The following DNAH11 variants were observed in gnomAD, a reference collection of about 807,000 sequenced individuals.
DNAH11 encodes the protein axonemal beta dynein heavy chain 11.
A neutral mutation model predicts 526.0 loss-of-function variants in DNAH11; 442 were observed. The observed-to-expected ratio is 0.84, with a 90% CI of 0.78 to 0.91. The LOEUF (loss-of-function observed/expected upper bound fraction) is 0.91. Among genes scored for constraint, DNAH11 ranks in the 40% least tolerant of loss-of-function variants. DNAH11 has a pLI of 0.00. For synonymous variants in DNAH11, 2,461 were observed against 1,935.9 expected, an observed-to-expected ratio of 1.27 and a Z score of -7.12; for missense variants, 6,989 against 5,448.7, an observed-to-expected ratio of 1.28 and a Z score of -8.90.
At chr7:21,639,144 T>C in intron 28 of DNAH11, 79 bp downstream of exon 28, 3 of 1,461,442 alleles carry the variant, frequency 2.1e-6, no homozygotes, top group South Asian at 3.0e-5. Flanking sequence ...TGTCAAATGC[T>C]ACCTGTCATG....
rs767607595 is a variant in DNAH11 at position 21,591,395 on chromosome 7, C to T, written c.2485C>T (p.Arg829Cys). The change falls in exon 14 of 82, where the codon CGC becomes TGC. Residue 829 changes from arginine (R) to cysteine (C), a missense_variant. Coordinates refer to ENST00000409508, the MANE Select transcript of DNAH11 (RefSeq NM_001277115.2). ...ATSELEHRVE[R>C]TQKNVKVIQQ... ...GTCCGAGTTGGAGCACAGAGTTGAG[C>T]GCACACAGAAAAACGTGAAGGTGAT... The T allele has an allele frequency of 2.2e-5, 35 of 1,613,738 alleles. No homozygotes were observed. Among genetic ancestry groups the T allele is most frequent in the Middle Eastern group, 1.6e-4 (1 of 6,084 alleles).
At chr7:21,888,304 GCTT>G (rs1470134793) in intron 76 of DNAH11, among the ~76,000 whole-genome samples, 2 of 152,160 alleles carry the variant, frequency 1.3e-5, no homozygotes, top group Non-Finnish European at 2.9e-5. Context: ...ATGAACTGGA[GCTT>G]CTTGTCATTA....
intron 68 of DNAH11, among the ~76,000 whole-genome samples, chr7:21,860,287 CA>C (rs34076919): frequency 2.7e-5 from 4 of 150,006 alleles, no homozygotes; most frequent in Non-Finnish European, 3.0e-5. Flanking sequence ...TGGCTACTAT[CA>C]AAAAAAAAAG....
intron 43 of DNAH11, 107 bp from the exon 44 acceptor site, chr7:21,720,618 G>C (rs1330698988): frequency 1.6e-6 from 2 of 1,269,834 alleles, no homozygotes; most frequent in Non-Finnish European, 2.1e-6. Flanking sequence ...TCACAGCTGG[G>C]AAAAACTATG....
chr7:21,579,728 A>G (rs574138525), intron 8 of DNAH11, among the ~76,000 whole-genome samples: 2 of 152,234 alleles, frequency 1.3e-5, no homozygotes, highest in South Asian at 4.1e-4. Flanking sequence ...ATTCCGAATT[A>G]AGATTGTGAG....
In DNAH11 at chr7:21,801,187, A is replaced by C; in HGVS notation, c.10077A>C (p.Thr3359=). 6.2e-7 allele frequency: 1 copy of C among 1,613,120 alleles called. No individual in the cohort carries two copies. Among genetic ancestry groups the C allele is most frequent in the Non-Finnish European group, 8.5e-7 (1 of 1,179,522 alleles). ...SRLTASFEKA[T]AEKVRCQEEV... ...TCACGGCTTCATTTGAAAAAGCAAC[A>C]GCTGAGAAAGTCCGGTGTCAAGAAG... The change falls in exon 62 of 82, where the codon ACA becomes ACC. Residue 3359 remains threonine, a synonymous_variant. Coordinates refer to ENST00000409508, the MANE Select transcript of DNAH11 (RefSeq NM_001277115.2).
chr7:21,831,341 C>T (rs1781759530), intron 65 of DNAH11, among the ~76,000 whole-genome samples: 1 of 152,088 alleles, frequency 6.6e-6, no homozygotes, highest in South Asian at 2.1e-4. Flanking sequence ...TTTGATCCTT[C>T]AAGTCATGAG....
At position 21,658,899 on chromosome 7, in the gene DNAH11, G is replaced by A. The variant is rs747209893; in HGVS notation, c.5196G>A (p.Leu1732=). ...IVAYEEKPRE[L]WIFDFPAQVA... ...CCTACGAGGAAAAACCTAGGGAACT[G>A]TGGATTTTTGATTTCCCAGCTCAGG... is the stretch of plus-strand genomic sequence containing the variant. Residue 1732 remains leucine, a synonymous_variant, in exon 30 of 82, where the codon CTG becomes CTA. Coordinates refer to ENST00000409508, the MANE Select transcript of DNAH11 (RefSeq NM_001277115.2). 1.4e-5 allele frequency: 22 copies of A among 1,609,928 alleles called. No individual in the cohort carries two copies. The highest frequency in any genetic ancestry group is 1.9e-5 in the Non-Finnish European group (22 of 1,178,266).
chr7:21,750,152 C>A, intron 53 of DNAH11, 70 bp from the exon 54 acceptor site: 1 of 1,469,200 alleles, frequency 6.8e-7, no homozygotes, highest in Non-Finnish European at 9.1e-7. Flanking sequence ...ACATTTCAAA[C>A]GTTTAAAAGT....
intron 30 of DNAH11, among the ~76,000 whole-genome samples, chr7:21,672,241 A>G (rs1291877593): frequency 6.6e-6 from 1 of 152,180 alleles, no homozygotes; most frequent in African/African-American, 2.4e-5. Context: ...TATAGCAATT[A>G]CATTGTAATG....
At chr7:21,860,895 A>C (rs1180421884) in intron 68 of DNAH11, among the ~76,000 whole-genome samples, 3 of 152,204 alleles carry the variant, frequency 2.0e-5, no homozygotes. Flanking sequence ...ATGAGAGCCA[A>C]GTGAAAGAGA....
At position 21,797,361 on chromosome 7, in the gene DNAH11, A is replaced by C. The variant is rs376021794; in HGVS notation, c.10027-3776A>C. ...CAGCCTCCCGAGTAGCTGGCATTAC[A>C]GGCCTGCGCCACCATGCCCGGCTAA... On this transcript the variant is annotated intron_variant, in intron 61 of 81. Transcript: ENST00000409508. 2.0e-3 allele frequency among the ~76,000 whole-genome samples: 310 copies of C among 151,892 alleles called. 8 individuals are homozygous for C. The highest frequency in any genetic ancestry group is 7.1e-3 in the African/African-American group (294 of 41,228).
intron 63 of DNAH11, among the ~76,000 whole-genome samples, chr7:21,814,437 C>G (rs1583726628): frequency 1.3e-5 from 2 of 150,904 alleles, no homozygotes; most frequent in South Asian, 4.2e-4. Context: ...CATACGTATA[C>G]GTGTGCCATG....
intron 80 of DNAH11, 142 bp downstream of exon 80, chr7:21,899,590 T>C (rs972070759): frequency 8.3e-6 from 6 of 719,586 alleles, no homozygotes; most frequent in Non-Finnish European, 1.2e-5. Flanking sequence ...GACCAGCAGC[T>C]ATAGAGGAAA....
Position 21,655,395 on chromosome 7 carries a change from C to T in DNAH11, c.4945-437C>T, listed in dbSNP as rs562471667. On this transcript the variant is annotated intron_variant, in intron 28 of 81. Coordinates refer to ENST00000409508, the MANE Select transcript of DNAH11 (RefSeq NM_001277115.2). ...AAGTGCGTGTTAACAGATAATCTCCCCCAAAAGTAAAATTCTTTCTAATTG... is the reference window on the plus strand; with the variant it reads ...AAGTGCGTGTTAACAGATAATCTCCTCCAAAAGTAAAATTCTTTCTAATTG... Among the ~76,000 whole-genome samples, 5 of 152,268 alleles carry T rather than the reference C, an allele frequency of 3.3e-5. No individual in the cohort carries two copies. In the South Asian group the frequency reaches 8.3e-4, roughly 25 times the overall value.
intron 30 of DNAH11, among the ~76,000 whole-genome samples, chr7:21,678,807 G>A (rs1011009555): frequency 2.0e-5 from 3 of 152,036 alleles, no homozygotes; most frequent in Admixed American, 6.6e-5. Flanking sequence ...AGCCATTATG[G>A]AAAACATTAT....
intron 65 of DNAH11, among the ~76,000 whole-genome samples, chr7:21,838,844 C>T (rs928487590): frequency 6.6e-6 from 1 of 152,048 alleles, no homozygotes; most frequent in African/African-American, 2.4e-5. Context: ...GATCCTCCCA[C>T]CTCAGCCTCC....
In DNAH11 at chr7:21,901,078, G is replaced by C; in HGVS notation, c.13375G>C (p.Val4459Leu). The change falls in exon 82 of 82, where the codon GTC (valine) becomes CTC (leucine). Residue 4459 changes from valine to leucine, a missense_variant. Physicochemically the swap from Val to Leu is conservative, Grantham distance 32 (BLOSUM62 1). Coordinates refer to ENST00000409508, the MANE Select transcript of DNAH11 (RefSeq NM_001277115.2). Reference protein sequence around the residue: ...RLKELACPMPVIFAKATPVDR... With the variant: ...RLKELACPMPLIFAKATPVDR... ...CAAGGAGCTGGCATGCCCTATGCCGGTCATCTTTGCAAAAGCCACCCCCGT... is the reference window on the plus strand; with the variant it reads ...CAAGGAGCTGGCATGCCCTATGCCGCTCATCTTTGCAAAAGCCACCCCCGT... 6.2e-7 allele frequency: 1 copy of C among 1,613,944 alleles called. No individual in the cohort carries two copies.
At position 21,726,213 on chromosome 7, in the gene DNAH11, G is replaced by T. The variant is rs535575158; in HGVS notation, c.7440+229G>T. Among the ~76,000 whole-genome samples, 20 of 152,228 alleles carry T rather than the reference G, an allele frequency of 1.3e-4. No individual in the cohort carries two copies. The East Asian group carries it at 3.3e-3, about 25-fold the overall frequency. On this transcript the variant is annotated intron_variant, in intron 45 of 81. Coordinates refer to ENST00000409508, the MANE Select transcript of DNAH11 (RefSeq NM_001277115.2). Reference sequence around the variant, plus strand: ...GGCCAAAGGGGAAACAAGAGAGAGTGAGGGGGGAGGTGCTGCACACTTTTA... The same window carrying T: ...GGCCAAAGGGGAAACAAGAGAGAGTTAGGGGGGAGGTGCTGCACACTTTTA...
Sources: gnomAD v4.1 joint callset for allele counts (sites outside exome capture counted in the v4.1 genomes callset) on GRCh38, gnomAD v4.1.1 for gene constraint, MANE v1.5 for transcripts, NCBI Gene and HGNC (gene_info 2026-07-23, HGNC 2026-07-21) for gene names.